The following LVRN variants were observed in gnomAD, a reference collection of about 807,000 sequenced individuals.
LVRN encodes aminopeptidase Q.
LVRN carries 99 observed loss-of-function variants against 111.4 expected under a neutral mutation model. The observed-to-expected ratio is 0.89, with a 90% CI of 0.76 to 1.05. The LOEUF (loss-of-function observed/expected upper bound fraction) is 1.05. LVRN is among the 50% of genes least tolerant of loss of function. The probability of loss-of-function intolerance (pLI) is 0.00; values close to 1 mark genes in which losing one functional copy is unlikely to be tolerated. For missense variants in LVRN, 1,414 were observed against 1,206.8 expected, an observed-to-expected ratio of 1.17 and a Z score of -2.54; for synonymous variants, 488 against 449.5, an observed-to-expected ratio of 1.09 and a Z score of -1.08.
chr5:116,025,182 G>A (rs1408436563), intron 19 of LVRN, among the ~76,000 whole-genome samples: 5 of 152,094 alleles, frequency 3.3e-5, no homozygotes, highest in Non-Finnish European at 7.4e-5. Flanking sequence ...GGGGAGGATT[G>A]TTCCTGGCTC....
intron 1 of LVRN, among the ~76,000 whole-genome samples, chr5:115,968,693 C>G (rs931267455): frequency 6.6e-6 from 1 of 152,138 alleles, no homozygotes; most frequent in African/African-American, 2.4e-5. Flanking sequence ...GAGAAAAGAA[C>G]AAATGGAGAA....
At chr5:115,966,791 T>G (rs1417959794) in intron 1 of LVRN, among the ~76,000 whole-genome samples, 1 of 152,260 alleles carries the variant, frequency 6.6e-6, no homozygotes, top group Admixed American at 6.5e-5. Flanking sequence ...ATAGATGTTC[T>G]CTGTATCATG....
At chr5:116,004,170 C>T (rs1229028697) in intron 12 of LVRN, among the ~76,000 whole-genome samples, 1 of 152,182 alleles carries the variant, frequency 6.6e-6, no homozygotes, top group African/African-American at 2.4e-5. Flanking sequence ...TTCCACTCTC[C>T]TTCAGAAGAG....
At chr5:115,986,875 T>C (rs1037899852) in intron 3 of LVRN, among the ~76,000 whole-genome samples, 4 of 152,202 alleles carry the variant, frequency 2.6e-5, no homozygotes, top group Non-Finnish European at 5.9e-5. Flanking sequence ...TCCTTAGCAT[T>C]TTCTCTAATG....
At position 115,983,409 on chromosome 5, in the gene LVRN, T is replaced by C. The variant is rs1017980642; in HGVS notation, c.818T>C (p.Leu273Pro). 1 of 1,605,068 alleles carries C rather than the reference T, an allele frequency of 6.2e-7. No individual in the cohort carries two copies. The highest frequency in any genetic ancestry group is 1.7e-5 in the Admixed American group (1 of 57,680). The change falls in exon 2 of 20, where the codon CTT (leucine) becomes CCT (proline). Residue 273 changes from leucine to proline, a missense_variant. By Grantham distance (98) the Leu-to-Pro change is moderately conservative. Transcript: ENST00000357872. The stretch of plus-strand genomic sequence containing the variant: ...ATTCATCATCCAAGTTATGTGGCCC[T>C]TTCCAACATGCCAAAGCTAGGTAAG... ...TMIHHPSYVA[L>P]SNMPKLGQSE...
intron 14 of LVRN, 131 bp downstream of exon 14, chr5:116,011,025 A>AACATAAAACCACAACTTTAAT: frequency 4.1e-6 from 1 of 241,134 alleles, no homozygotes; most frequent in Non-Finnish European, 7.0e-6. Context: ...ATATATATAT[A>AACATAAAACCACAACTTTAAT]TGGAAGTATA....
chr5:116,000,969 G>GGAGAATATTCTACATA (rs1368616354), intron 9 of LVRN, 98 bp from the exon 10 acceptor site: 18 of 1,354,150 alleles, frequency 1.3e-5, no homozygotes, highest in Non-Finnish European at 1.8e-5. Flanking sequence ...CTACATAAGT[G>GGAGAATATTCTACATA]AGGAAGAGAA....
intron 1 of LVRN, among the ~76,000 whole-genome samples, chr5:115,972,990 G>T (rs1333989840): frequency 3.3e-5 from 5 of 151,592 alleles, no homozygotes; most frequent in Admixed American, 6.6e-5. Flanking sequence ...GTGCAGTGGT[G>T]CAATCACAGC....
intron 12 of LVRN, chr5:116,005,706 C>A (rs1748352942): frequency 1.6e-6 from 1 of 636,184 alleles, no homozygotes; most frequent in Non-Finnish European, 2.9e-6. Flanking sequence ...TGATTGATGT[C>A]CAGAGGGTTC....
rs555394057 is a variant in LVRN at position 116,013,023 on chromosome 5, G to T, written c.2342+555G>T. Among the ~76,000 whole-genome samples the T allele has an allele frequency of 7.0e-4, 106 of 152,154 alleles. 3 individuals carry two copies. Among genetic ancestry groups the T allele is most frequent in the Middle Eastern group, 3.4e-3 (1 of 294 alleles). On this transcript the variant is annotated intron_variant, in intron 15 of 19. Transcript: ENST00000357872. ...TGGTGGTCTAGGAAGGAGGCAAGAG[G>T]CAAAATGGGGTGGTAGTATTTCTGT...
chr5:116,003,317 T>C lies in LVRN; in HGVS notation c.1974T>C (p.Tyr658=), dbSNP rs771446393. ...TGAATTTGAATATGACTGGATATTATAGAGTTAATTATGATAAATTAGGTT... is the reference window on the plus strand; with the variant it reads ...TGAATTTGAATATGACTGGATATTACAGAGTTAATTATGATAAATTAGGTT... ...VILNLNMTGY[Y]RVNYDKLGWK... is the part of the protein sequence containing the mutation. The change falls in exon 12 of 20, where the codon TAT becomes TAC. Residue 658 remains tyrosine, a synonymous_variant. Transcript: ENST00000357872. 2 of 1,541,830 alleles carry C rather than the reference T, an allele frequency of 1.3e-6. No homozygotes were observed. The highest frequency in any genetic ancestry group is 2.3e-5 in the East Asian group (1 of 43,376).
chr5:115,970,917 A>G (rs1259547999), intron 1 of LVRN, among the ~76,000 whole-genome samples: 8 of 152,170 alleles, frequency 5.3e-5, no homozygotes, highest in African/African-American at 1.9e-4. Flanking sequence ...ATGAATATTT[A>G]GTTTTTTAAG....
intron 1 of LVRN, among the ~76,000 whole-genome samples, chr5:115,978,504 T>C (rs1022475876): frequency 5.9e-5 from 9 of 152,338 alleles, no homozygotes; most frequent in African/African-American, 1.9e-4. Flanking sequence ...CCCAGCAGCC[T>C]ATAAGTTCCT....
chr5:116,015,335 C>T lies in LVRN; in HGVS notation c.2534C>T (p.Thr845Ile). Reference protein sequence around the residue: ...SDKEWDILLNTYTNTTNKEEK... With the variant: ...SDKEWDILLNIYTNTTNKEEK... ...AAAGAGTGGGACATCTTGTTAAATACTTACACTAATACAACAAACAAAGAA... is the reference window on the plus strand; with the variant it reads ...AAAGAGTGGGACATCTTGTTAAATATTTACACTAATACAACAAACAAAGAA... Residue 845 changes from threonine to isoleucine, a missense_variant, in exon 17 of 20, where the codon ACT becomes ATT. Transcript: ENST00000357872. 1 of 1,612,446 alleles carries T rather than the reference C, an allele frequency of 6.2e-7. No homozygotes were observed. Among genetic ancestry groups the T allele is most frequent in the Non-Finnish European group, 8.5e-7 (1 of 1,179,344 alleles).
chr5:115,998,541 A>G (rs1748169033), intron 6 of LVRN, among the ~76,000 whole-genome samples: 1 of 152,198 alleles, frequency 6.6e-6, no homozygotes, highest in African/African-American at 2.4e-5. Flanking sequence ...TCTATTTTCT[A>G]CATTGTGCTT....
chr5:116,021,620 C>T, intron 18 of LVRN: 1 of 332,686 alleles, frequency 3.0e-6, no homozygotes, highest in Admixed American at 4.1e-5. Flanking sequence ...TGAAGTAAAT[C>T]AATTGTATAT....
chr5:115,977,174 A>G (rs575909664), intron 1 of LVRN, among the ~76,000 whole-genome samples: 2 of 152,270 alleles, frequency 1.3e-5, no homozygotes, highest in South Asian at 4.1e-4. Context: ...GGGGAATCCT[A>G]TACAGATTTC....
chr5:115,997,191 C>T (rs58964259), intron 6 of LVRN, among the ~76,000 whole-genome samples: 12,214 of 152,010 alleles, frequency 0.08, 652 homozygotes, highest in East Asian at 0.19. Flanking sequence ...TACCCATTTT[C>T]GGACGGCAAC....
At chr5:116,017,997 G>A (rs905802658) in intron 18 of LVRN, among the ~76,000 whole-genome samples, 4 of 151,976 alleles carry the variant, frequency 2.6e-5, no homozygotes, top group African/African-American at 9.7e-5. Flanking sequence ...ATGGTGGCTC[G>A]TGCCTGTAAT....
Sources: gnomAD v4.1 joint callset for allele counts (sites outside exome capture counted in the v4.1 genomes callset) on GRCh38, gnomAD v4.1.1 for gene constraint, MANE v1.5 for transcripts, NCBI Gene and HGNC (gene_info 2026-07-23, HGNC 2026-07-21) for gene names.